Variants in CXADR observed in about 807,000 individuals in gnomAD.
CXADR encodes coxsackievirus and adenovirus receptor.
Under a neutral mutation model 40.3 loss-of-function variants are expected in CXADR, and 20 were observed. The ratio of observed to expected loss-of-function variants is 0.50; its 90% CI spans 0.35 to 0.72. CXADR has a LOEUF of 0.72. Among genes scored for constraint, CXADR ranks in the 30% least tolerant of loss-of-function variants. The pLI is 0.01. For missense variants in CXADR, 332 were observed against 449.1 expected (o/e 0.74, Z 2.36); for synonymous variants, 150 against 161.3 (o/e 0.93, Z 0.53).
chr21:17,609,306 ACTT>A, the CXADR span, among the ~76,000 whole-genome samples: 1 of 152,194 alleles, frequency 6.6e-6, no homozygotes, highest in Non-Finnish European at 1.5e-5. Context: ...AGAACAATCT[ACTT>A]ATCTTTATGC....
At chr21:17,518,781 G>A in intron 1 of CXADR, 1 of 1,581,192 alleles carries the variant, frequency 6.3e-7, no homozygotes, top group East Asian at 2.2e-5. Context: ...CTTGGACTTT[G>A]GGATTGTTGA....
the CXADR span, among the ~76,000 whole-genome samples, chr21:17,610,861 T>C: frequency 6.6e-6 from 1 of 152,248 alleles, no homozygotes; most frequent in Admixed American, 6.5e-5. Flanking sequence ...TCAGTCTCTC[T>C]TCAGAATATG....
At chr21:17,578,016 T>C (rs774838022) in intron 7 of CXADR, among the ~76,000 whole-genome samples, 1 of 152,166 alleles carries the variant, frequency 6.6e-6, no homozygotes, top group Non-Finnish European at 1.5e-5. Flanking sequence ...GATACCATTT[T>C]CTTAATCTAC....
chr21:17,520,133 C>A (rs1314639929), intron 1 of CXADR, among the ~76,000 whole-genome samples: 1 of 152,122 alleles, frequency 6.6e-6, no homozygotes, highest in African/African-American at 2.4e-5. Flanking sequence ...CTTCACTCTC[C>A]AAGTACACTC....
At chr21:17,531,274 G>A (rs2060671581) in intron 1 of CXADR, among the ~76,000 whole-genome samples, 1 of 151,042 alleles carries the variant, frequency 6.6e-6, no homozygotes, top group Admixed American at 6.6e-5. Flanking sequence ...ACTCTAGCCT[G>A]GGCGACGGAA....
the CXADR span, among the ~76,000 whole-genome samples, chr21:17,622,640 T>C: frequency 2.6e-5 from 4 of 152,212 alleles, no homozygotes; most frequent in South Asian, 8.3e-4. Flanking sequence ...ATGTGTATCA[T>C]TAGCAACAAC....
At chr21:17,592,694 G>A (rs2846887) in intron 7 of CXADR, among the ~76,000 whole-genome samples, 5 of 151,054 alleles carry the variant, frequency 3.3e-5, no homozygotes, top group African/African-American at 1.2e-4. Flanking sequence ...CATCTCCCTT[G>A]TGACACTAAT....
chr21:17,626,072 T>G, the CXADR span, among the ~76,000 whole-genome samples: 2 of 152,238 alleles, frequency 1.3e-5, no homozygotes, highest in Non-Finnish European at 2.9e-5. Context: ...GCCAGTGACT[T>G]TTTCATTTGC....
At chr21:17,608,605 A>C in the CXADR span, among the ~76,000 whole-genome samples, 1 of 151,852 alleles carries the variant, frequency 6.6e-6, no homozygotes, top group Non-Finnish European at 1.5e-5. Context: ...TTTTAGATGC[A>C]AGATTCACTT....
At chr21:17,557,797 G>T (rs2061055212) in intron 3 of CXADR, among the ~76,000 whole-genome samples, 1 of 152,298 alleles carries the variant, frequency 6.6e-6, no homozygotes, top group Admixed American at 6.5e-5. Flanking sequence ...GGCTTCCTGG[G>T]TCCAGGGTTT....
chr21:17,610,025 A>T, the CXADR span, among the ~76,000 whole-genome samples: 1 of 152,374 alleles, frequency 6.6e-6, no homozygotes, highest in South Asian at 2.1e-4. Flanking sequence ...ATAAGCTACA[A>T]CATGGGTGAA....
chr21:17,611,206 TTAATA>T, the CXADR span, among the ~76,000 whole-genome samples: 1 of 152,264 alleles, frequency 6.6e-6, no homozygotes, highest in East Asian at 1.9e-4. Flanking sequence ...CCAAGGCAAT[TTAATA>T]TACGGGTTGG....
chr21:17,615,577 T>G, the CXADR span, among the ~76,000 whole-genome samples: 2 of 152,198 alleles, frequency 1.3e-5, no homozygotes, highest in South Asian at 2.1e-4. Context: ...ATGCTCGCTC[T>G]CTCTCAAAAT....
the CXADR span, chr21:17,608,839 TACAA>T: frequency 1.1e-6 from 1 of 878,638 alleles, no homozygotes; most frequent in Non-Finnish European, 1.6e-6. Context: ...GGAGAAAATA[TACAA>T]ACACCCCAGA....
chr21:17,617,187 GGTGATGTATAAGTTATGACACTCAA>G, the CXADR span, among the ~76,000 whole-genome samples: 1 of 152,078 alleles, frequency 6.6e-6, no homozygotes, highest in East Asian at 1.9e-4. Context: ...ACTAGGTTAG[GGTGATGTATAAGTTATGACACTCAA>G]GTGGGCCAGA....
chr21:17,572,134 G>A (rs1024811269), downstream of CXADR, among the ~76,000 whole-genome samples: 10 of 152,010 alleles, frequency 6.6e-5, no homozygotes, highest in African/African-American at 2.4e-4. Context: ...CGCCAAGGCA[G>A]GCGGATCACT....
the CXADR span, chr21:17,608,913 G>C: frequency 8.6e-6 from 13 of 1,516,342 alleles, no homozygotes; most frequent in Non-Finnish European, 1.2e-5. Flanking sequence ...TCAATCATCC[G>C]GCCTTGAACC....
chr21:17,513,955 T>C (rs866140617), intron 1 of CXADR, among the ~76,000 whole-genome samples: 6 of 152,090 alleles, frequency 3.9e-5, no homozygotes, highest in African/African-American at 1.4e-4. Context: ...TGCTAGAGGA[T>C]TTGCCAAGTG....
intron 1 of CXADR, among the ~76,000 whole-genome samples, chr21:17,537,552 T>A (rs1432778209): frequency 6.6e-6 from 1 of 152,174 alleles, no homozygotes; most frequent in Admixed American, 6.5e-5. Context: ...CTGTCCCTGC[T>A]TGAATTCTAC....
Sources: allele counts gnomAD v4.1 joint callset (sites outside exome capture counted in the v4.1 genomes callset), GRCh38; gene constraint gnomAD v4.1.1; transcripts MANE v1.5; gene names NCBI Gene and HGNC (gene_info 2026-07-23, HGNC 2026-07-21).